Variants in TUBA3E observed in about 807,000 individuals in gnomAD.
The protein encoded by TUBA3E is tubulin alpha 3e.
Under a neutral mutation model 36.7 loss-of-function variants are expected in TUBA3E, and 21 were observed. That is an observed-to-expected ratio of 0.57 (90% confidence interval 0.41 to 0.83). The LOEUF is 0.83. Among genes scored for constraint, TUBA3E ranks in the 40% least tolerant of loss-of-function variants. The pLI is 0.00. For missense variants in TUBA3E, 469 were observed against 604.2 expected (o/e 0.78, Z 2.35); for synonymous variants, 177 against 241.9 (o/e 0.73, Z 2.49).
intron 4 of TUBA3E, among the ~76,000 whole-genome samples, chr2:130,193,016 C>A (rs1450656010): frequency 1.3e-5 from 2 of 151,430 alleles, no homozygotes; most frequent in Non-Finnish European, 2.9e-5. Flanking sequence ...GTGCTTGAAC[C>A]CGGGAGGTGG....
chr2:130,194,702 GA>G, intron 3 of TUBA3E, among the ~76,000 whole-genome samples: 1 of 152,254 alleles, frequency 6.6e-6, no homozygotes, highest in Admixed American at 6.5e-5. Flanking sequence ...GTTTGAGACG[GA>G]ATCTTGCTCT....
At position 130,191,843 on chromosome 2, in the gene TUBA3E, G is replaced by A. The variant is rs144218629; in HGVS notation, c.1341C>T (p.Gly447=). 81 of 1,602,080 alleles carry A rather than the reference G, an allele frequency of 5.1e-5. No individual in the cohort carries two copies. In the African/African-American group the frequency reaches 5.1e-4, roughly 10 times the overall value. ...CCACACCCTCCCCTCAGTATGCTTC[G>A]CCTTCTTCAGCCTCAGCTTCCACGG... The part of the protein sequence containing the change: ...VDSVEAEAEE[G]EAY Residue 447 remains glycine, a synonymous_variant, in exon 5 of 5, where the codon GGC becomes GGT. Coordinates refer to ENST00000312988, the MANE Select transcript of TUBA3E (RefSeq NM_207312.3).
At position 130,198,244 on chromosome 2, in the gene TUBA3E, C is replaced by T; in HGVS notation, c.3+114G>A. 26 of 1,191,452 alleles carry T rather than the reference C, an allele frequency of 2.2e-5. 3 individuals carry two copies. In the South Asian group the frequency reaches 3.1e-4, roughly 14 times the overall value. The allele number at this position is 1,191,452 out of a possible 1,614,324, so 73.8% of individuals were successfully genotyped here. On this transcript the variant is annotated intron_variant, in intron 1 of 4. Transcript: ENST00000312988. Reference sequence around the variant, plus strand: ...TCCTCCTGTCCCGCACTAGACCCTGCGTCCTTCTCTGGCCTCCTCTCAGCG... The same window carrying T: ...TCCTCCTGTCCCGCACTAGACCCTGTGTCCTTCTCTGGCCTCCTCTCAGCG...
At chr2:130,193,765 C>T (rs1484489710) in intron 4 of TUBA3E, 21 bp downstream of exon 4, 2 of 1,584,574 alleles carry the variant, frequency 1.3e-6, no homozygotes, top group African/African-American at 2.7e-5. Context: ...GCTGAAAGGC[C>T]TCCATGTCAC....
chr2:130,195,474 G>T (rs1466529299), intron 2 of TUBA3E, among the ~76,000 whole-genome samples: 1 of 152,248 alleles, frequency 6.6e-6, no homozygotes, highest in Non-Finnish European at 1.5e-5. Flanking sequence ...CCAGTTCCCA[G>T]TGAAAGGAAA....
At chr2:130,194,607 A>G (rs1690359735) in intron 3 of TUBA3E, 141 bp from the exon 4 acceptor site, 1 of 1,106,404 alleles carries the variant, frequency 9.0e-7, no homozygotes, top group Admixed American at 2.9e-5. Flanking sequence ...TACACTTTGA[A>G]GCAAAGAAAA....
intron 1 of TUBA3E, among the ~76,000 whole-genome samples, 158 bp from the exon 2 acceptor site, chr2:130,196,529 C>T (rs1003011961): frequency 3.0e-4 from 45 of 152,172 alleles, no homozygotes; most frequent in Non-Finnish European, 1.3e-4. Context: ...ATCCCTTTAT[C>T]GCTGTGAAAA....
chr2:130,192,056 G>A lies in TUBA3E; in HGVS notation c.1128C>T (p.Cys376=). 1 of 1,614,006 alleles carries A rather than the reference G, an allele frequency of 6.2e-7. No homozygotes were observed. Among genetic ancestry groups the A allele is most frequent in the South Asian group, 1.1e-5 (1 of 91,062 alleles). ...CAATGGCCGTGGTGTTGCTCAGCAT[G>A]CACACGGCCCGCTGCACCTTGGCCA... The part of the protein sequence containing the change: ...GDLAKVQRAV[C]MLSNTTAIAE... The change falls in exon 5 of 5, where the codon TGC becomes TGT. Residue 376 remains cysteine (C), a synonymous_variant. Coordinates refer to ENST00000312988, the MANE Select transcript of TUBA3E (RefSeq NM_207312.3).
rs761734752 is a variant in TUBA3E, at chr2:130,195,243, T to C, written c.227-16A>G. On this transcript the variant is annotated splice_polypyrimidine_tract_variant and intron_variant, in intron 2 of 4. Coordinates refer to ENST00000312988, the MANE Select transcript of TUBA3E (RefSeq NM_207312.3). ...CGCACTTCATCTGCAAAAGAGACAG[T>C]GTGTACTGTGAATTTTTAAGGCCTG... The C allele has an allele frequency of 6.1e-5, 99 of 1,613,166 alleles. No homozygotes were observed. Among genetic ancestry groups the C allele is most frequent in the Non-Finnish European group, 8.2e-5 (97 of 1,179,468 alleles).
chr2:130,193,971 T>G lies in TUBA3E; in HGVS notation c.871A>C (p.Ile291Leu). The change falls in exon 4 of 5, where the codon ATC (isoleucine) becomes CTC (leucine). Residue 291 changes from isoleucine (I) to leucine (L), a missense_variant. Ile to Leu is a conservative substitution (Grantham distance 5). Transcript: ENST00000312988. The stretch of plus-strand genomic sequence containing the variant: ...GCTGGCTCGAAGCAGGCATTGGTGA[T>G]CTCGGCCACAGACAGCTGCTCGTGG... ...AYHEQLSVAEITNACFEPANQ... is the reference protein window; with the variant it reads ...AYHEQLSVAELTNACFEPANQ... The G allele has an allele frequency of 6.2e-7, 1 of 1,614,168 alleles. No homozygotes were observed. The highest frequency in any genetic ancestry group is 8.5e-7 in the Non-Finnish European group (1 of 1,180,036).
rs1690400375 is a variant in TUBA3E at position 130,196,257 on chromosome 2, T to C, written c.118A>G (p.Lys40Glu). 3 of 1,614,034 alleles carry C rather than the reference T, an allele frequency of 1.9e-6. No homozygotes were observed. Among genetic ancestry groups the C allele is most frequent in the Non-Finnish European group, 2.5e-6 (3 of 1,179,906 alleles). The change falls in exon 2 of 5, where the codon AAA (lysine) becomes GAA (glutamate). Residue 40 changes from lysine to glutamate, a missense_variant. By Grantham distance (56) the Lys-to-Glu change is moderately conservative. This residue lies in a region of TUBA3E where 169 missense variants were observed against 239.0 expected (regional missense o/e 0.71). Coordinates refer to ENST00000312988, the MANE Select transcript of TUBA3E (RefSeq NM_207312.3). The part of the protein sequence containing the change: ...IQPDGQMPSD[K>E]TIGGGDDSFN... ...GAGTCGTCCCCGCCACCAATGGTTT[T>C]ATCACTTGGCATTTGACCATCGGGC...
Position 130,198,238 on chromosome 2 carries a change from A to G in TUBA3E, c.3+120T>C, listed in dbSNP as rs996485189. On this transcript the variant is annotated intron_variant, in intron 1 of 4. Coordinates refer to ENST00000312988, the MANE Select transcript of TUBA3E (RefSeq NM_207312.3). ...CCCGTGTCCTCCTGTCCCGCACTAGACCCTGCGTCCTTCTCTGGCCTCCTC... is the reference window on the plus strand; with the variant it reads ...CCCGTGTCCTCCTGTCCCGCACTAGGCCCTGCGTCCTTCTCTGGCCTCCTC... 36 of 1,156,492 alleles carry G rather than the reference A, an allele frequency of 3.1e-5. 7 individuals carry two copies. The African/African-American group carries it at 5.3e-4, about 17-fold the overall frequency. 71.6% of individuals were successfully genotyped at this position (1,156,492 alleles called of 1,614,324 possible). A position where few individuals can be genotyped will look rare whatever the true frequency, so the allele number is the denominator to read the frequency against.
intron 1 of TUBA3E, among the ~76,000 whole-genome samples, chr2:130,197,633 C>A (rs1354717373): frequency 2.4e-5 from 3 of 127,546 alleles, no homozygotes; most frequent in African/African-American, 8.1e-5. Context: ...TTTTTTGAGG[C>A]AGGGTCTCTG....
In TUBA3E at chr2:130,192,715, T is replaced by C. The variant is rs1265265250; in HGVS notation, c.1057-588A>G. Among the ~76,000 whole-genome samples, 7 of 152,146 alleles carry C rather than the reference T, an allele frequency of 4.6e-5. No homozygotes were observed. The East Asian group carries it at 1.2e-3, about 25-fold the overall frequency. ...TAACCAAAGGGGAAGCATTCCAAGTTTCAGAACTCGGTAATAACATGACCT... is the reference window on the plus strand; with the variant it reads ...TAACCAAAGGGGAAGCATTCCAAGTCTCAGAACTCGGTAATAACATGACCT... On this transcript the variant is annotated intron_variant, in intron 4 of 4. Coordinates refer to ENST00000312988, the MANE Select transcript of TUBA3E (RefSeq NM_207312.3).
chr2:130,197,804 C>T (rs1187616592), intron 1 of TUBA3E, among the ~76,000 whole-genome samples: 1 of 124,130 alleles, frequency 8.1e-6, no homozygotes, highest in Admixed American at 9.0e-5. Context: ...GACTGGGTTT[C>T]GCCATGTTGG....
chr2:130,194,190 C>T lies in TUBA3E; in HGVS notation c.652G>A (p.Asp218Asn). The T allele has an allele frequency of 6.2e-7, 1 of 1,613,238 alleles. No homozygotes were observed. The highest frequency in any genetic ancestry group is 1.1e-5 in the South Asian group (1 of 91,002). The change falls in exon 4 of 5, where the codon GAC becomes AAC. Residue 218 changes from aspartate to asparagine, a missense_variant. Asp to Asn is a conservative substitution (Grantham distance 23, BLOSUM62 1). Coordinates refer to ENST00000312988, the MANE Select transcript of TUBA3E (RefSeq NM_207312.3). ...TTGGTGTACGTGGGACGTTCAATGT[C>T]CAGGTTGCGCCGACATATGTCATAG... ...AIYDICRRNL[D>N]IERPTYTNLN... is the part of the protein sequence containing the mutation.
rs116756059 is a variant in TUBA3E at position 130,198,370 on chromosome 2, C to T, written c.-10G>A. ...ACCCGGGTCTTACCATGGCGAACTC[C>T]GCTGCTTCAGCCCAACGCTACTTCC... On this transcript the variant is annotated 5_prime_UTR_variant, in exon 1 of 5. Transcript: ENST00000312988. 2.7e-3 allele frequency: 3,706 copies of T among 1,355,976 alleles called. 896 individuals carry two copies. In the African/African-American group the frequency reaches 0.051, roughly 19 times the overall value. The allele number at this position is 1,355,976 out of a possible 1,614,324, so 84.0% of individuals were successfully genotyped here.
At chr2:130,195,798 C>T (rs2443646) in intron 2 of TUBA3E, among the ~76,000 whole-genome samples, 1 of 152,232 alleles carries the variant, frequency 6.6e-6, no homozygotes, top group African/African-American at 2.4e-5. Flanking sequence ...TCAAGACTCT[C>T]GTGCACCAGC....
rs75918414 is a variant in TUBA3E, at chr2:130,192,905, C to A, written c.1057-778G>T. ...GGCCAGGGGTTTGAGACCAGCCTGG[C>A]CAACATGGCAAAATCCCATCTCTAC... On this transcript the variant is annotated intron_variant, in intron 4 of 4. Coordinates refer to ENST00000312988, the MANE Select transcript of TUBA3E (RefSeq NM_207312.3). Among the ~76,000 whole-genome samples the A allele has an allele frequency of 3.4e-3, 524 of 152,176 alleles. 18 individuals carry two copies. The East Asian group carries it at 0.086, about 25-fold the overall frequency.
Sources: allele counts gnomAD v4.1 joint callset (sites outside exome capture counted in the v4.1 genomes callset), GRCh38; gene constraint gnomAD v4.1.1; regional missense constraint gnomAD v4.1.1; transcripts MANE v1.5; gene names NCBI Gene and HGNC (gene_info 2026-07-23, HGNC 2026-07-21).